TCF4: variants seen among roughly 807,000 people sequenced by gnomAD.
TCF4 encodes the protein SL3-3 enhancer factor 2.
A neutral mutation model predicts 82.1 loss-of-function variants in TCF4; 3 were observed. The ratio of observed to expected loss-of-function variants is 0.04; its 90% CI spans 0.02 to 0.09. The LOEUF (loss-of-function observed/expected upper bound fraction) is 0.09. Among genes scored for constraint, TCF4 ranks in the 10% least tolerant of loss-of-function variants. The pLI, the probability that TCF4 is intolerant of heterozygous loss-of-function variation, is 1.00. For missense variants in TCF4, 518 were observed against 852.7 expected (o/e 0.61, Z 4.89); for synonymous variants, 276 against 309.6 (o/e 0.89, Z 1.14).
chr18:55,429,562 A>T (rs1272102919), intron 5 of TCF4, among the ~76,000 whole-genome samples: 1 of 152,054 alleles, frequency 6.6e-6, no homozygotes, highest in Non-Finnish European at 1.5e-5. Context: ...GGAGATCAAG[A>T]CCATCTGGCT....
At chr18:55,440,269 C>A (rs1009391460) in intron 5 of TCF4, among the ~76,000 whole-genome samples, 2 of 152,072 alleles carry the variant, frequency 1.3e-5, no homozygotes, top group East Asian at 3.9e-4. Context: ...CTAAGTGATG[C>A]GGGTATGTTT....
intron 2 of TCF4, among the ~76,000 whole-genome samples, chr18:55,625,472 TGTG>T (rs1568505039): frequency 6.6e-6 from 1 of 152,122 alleles, no homozygotes; most frequent in Non-Finnish European, 1.5e-5. Flanking sequence ...TTCCTGACCT[TGTG>T]GTCCACCCGC....
intron 2 of TCF4, 28 bp downstream of exon 2, chr18:55,587,017 G>T (rs1423588643): frequency 6.3e-7 from 1 of 1,599,674 alleles, no homozygotes; most frequent in Non-Finnish European, 8.6e-7. Context: ...TTTCACAGCT[G>T]TTGTTAGTTT....
chr18:55,558,172 A>G (rs1249040375), intron 3 of TCF4, among the ~76,000 whole-genome samples: 2 of 152,134 alleles, frequency 1.3e-5, no homozygotes, highest in East Asian at 3.9e-4. Context: ...GGATCCTACT[A>G]CTGTACTCCA....
chr18:55,322,255 CTCTCTT>C (rs1276706689), intron 8 of TCF4: 1 of 1,032,368 alleles, frequency 9.7e-7, no homozygotes, highest in Non-Finnish European at 1.2e-6. Flanking sequence ...CTCTCTCTCC[CTCTCTT>C]TCTTTTTTGT....
At chr18:55,440,985 C>T (rs1017728663) in intron 5 of TCF4, among the ~76,000 whole-genome samples, 2 of 152,142 alleles carry the variant, frequency 1.3e-5, no homozygotes, top group Non-Finnish European at 2.9e-5. Context: ...TTTATAAGGT[C>T]TAACCATCAA....
At chr18:55,559,416 T>C (rs1407472831) in intron 3 of TCF4, among the ~76,000 whole-genome samples, 2 of 152,118 alleles carry the variant, frequency 1.3e-5, no homozygotes, top group African/African-American at 4.8e-5. Context: ...AGTGCACTTA[T>C]AAACACGGAT....
upstream of TCF4, chr18:55,589,893 C>T (rs967091397): frequency 2.1e-6 from 2 of 967,772 alleles, no homozygotes; most frequent in Non-Finnish European, 2.5e-6. Flanking sequence ...GAGTGGTAAA[C>T]AGAGCGCCTA....
At chr18:55,613,027 TTAAG>T (rs1466990631) in intron 2 of TCF4, among the ~76,000 whole-genome samples, 1 of 152,148 alleles carries the variant, frequency 6.6e-6, no homozygotes, top group East Asian at 1.9e-4. Context: ...TTTGTACCAA[TTAAG>T]TAATATCTCA....
intron 3 of TCF4, among the ~76,000 whole-genome samples, chr18:55,506,343 C>CTA (rs2096759506): frequency 6.6e-6 from 1 of 152,150 alleles, no homozygotes. Flanking sequence ...TCCAATAAAC[C>CTA]TAGGAGGACC....
intron 3 of TCF4, among the ~76,000 whole-genome samples, chr18:55,558,716 T>C (rs1049198335): frequency 7.2e-5 from 11 of 152,168 alleles, no homozygotes; most frequent in African/African-American, 2.7e-4. Context: ...CTGTTAGTTA[T>C]TGTTATCGTT....
chr18:55,359,022 T>C (rs1049866920), intron 6 of TCF4, among the ~76,000 whole-genome samples: 1 of 152,230 alleles, frequency 6.6e-6, no homozygotes, highest in South Asian at 2.1e-4. Flanking sequence ...GAATGTGTTA[T>C]ATTATAATGT....
intron 3 of TCF4, among the ~76,000 whole-genome samples, chr18:55,549,555 G>A (rs1301447624): frequency 3.9e-5 from 6 of 151,946 alleles, no homozygotes; most frequent in Non-Finnish European, 8.8e-5. Flanking sequence ...CATTAGTCTA[G>A]GCCTACATAG....
intron 3 of TCF4, among the ~76,000 whole-genome samples, chr18:55,468,972 G>C (rs925210023): frequency 6.7e-6 from 1 of 149,226 alleles, no homozygotes; most frequent in Non-Finnish European, 1.5e-5. Flanking sequence ...AAGGAAGAAA[G>C]CAAGTAGATG....
intron 6 of TCF4, among the ~76,000 whole-genome samples, chr18:55,365,966 T>TTATAGA (rs56944219): frequency 0.035 from 5,053 of 145,188 alleles, 121 homozygotes; most frequent in South Asian, 0.061. Flanking sequence ...CTAAAATTGT[T>TTATAGA]TATAGATATA....
At chr18:55,429,490 C>T (rs1181568216) in intron 5 of TCF4, among the ~76,000 whole-genome samples, 8 of 152,176 alleles carry the variant, frequency 5.3e-5, no homozygotes, top group African/African-American at 1.7e-4. Context: ...GGGCCGAGCA[C>T]GATGGCTCAC....
intron 2 of TCF4, 151 bp downstream of exon 2, chr18:55,586,894 A>C (rs1325978710): frequency 5.8e-6 from 4 of 693,060 alleles, no homozygotes; most frequent in Non-Finnish European, 9.9e-6. Context: ...ATAGTTAAAA[A>C]CTTGTCAAAA....
chr18:55,602,895 T>G (rs1346730980), intron 2 of TCF4, among the ~76,000 whole-genome samples: 1 of 152,192 alleles, frequency 6.6e-6, no homozygotes, highest in Non-Finnish European at 1.5e-5. Flanking sequence ...TAGCAACATT[T>G]CATTGTCTAC....
At position 55,331,726 on chromosome 18, in the gene TCF4, G is replaced by C. The variant is rs143841300; in HGVS notation, c.549+18633C>G. 3.4e-3 allele frequency among the ~76,000 whole-genome samples: 516 copies of C among 152,274 alleles called. 1 individual carries two copies. Among genetic ancestry groups the C allele is most frequent in the African/African-American group, 0.012 (498 of 41,544 alleles). ...CTGATAAAACATGCACACAATATGA[G>C]GACCTGTTCCCCTAGTTTCCAAATG... On this transcript the variant is annotated intron_variant, in intron 8 of 19. Coordinates refer to ENST00000354452, the MANE Select transcript of TCF4 (RefSeq NM_001083962.2).
Sources: gnomAD v4.1 joint callset for allele counts (sites outside exome capture counted in the v4.1 genomes callset) on GRCh38, gnomAD v4.1.1 for gene constraint, MANE v1.5 for transcripts, NCBI Gene and HGNC (gene_info 2026-07-23, HGNC 2026-07-21) for gene names.